The following TMPRSS11E variants were observed in gnomAD, a reference collection of about 807,000 sequenced individuals.
The protein encoded by TMPRSS11E is transmembrane protease serine 11E.
TMPRSS11E carries 38 observed loss-of-function variants against 48.1 expected under a neutral mutation model. The ratio of observed to expected loss-of-function variants is 0.79; its 90% CI spans 0.61 to 1.04. The LOEUF (loss-of-function observed/expected upper bound fraction) is 1.04, where lower values mean the gene tolerates loss of function less well. Among genes scored for constraint, TMPRSS11E ranks in the 50% least tolerant of loss-of-function variants. The probability of loss-of-function intolerance (pLI) is 0.00; values close to 1 mark genes in which losing one functional copy is unlikely to be tolerated. For synonymous variants in TMPRSS11E, 158 were observed against 171.9 expected, an observed-to-expected ratio of 0.92 and a Z score of 0.63; for missense variants, 530 against 510.8, an observed-to-expected ratio of 1.04 and a Z score of -0.36.
Position 68,476,384 on chromosome 4 carries a change from G to T in TMPRSS11E, c.653G>T (p.Gly218Val). The change falls in exon 7 of 10, where the codon GGA becomes GTA. Residue 218 changes from glycine (G) to valine (V), a missense_variant. Coordinates refer to ENST00000305363, the MANE Select transcript of TMPRSS11E (RefSeq NM_014058.4). The part of the protein sequence containing the change: ...SLQWDGSHRC[G>V]ATLINATWLV... ...CAGTGGGATGGGAGTCATCGCTGTG[G>T]AGCAACCTTAATTAATGCCACATGG... 6.2e-7 allele frequency: 1 copy of T among 1,614,106 alleles called. No individual in the cohort carries two copies. Among genetic ancestry groups the T allele is most frequent in the Middle Eastern group, 1.7e-4 (1 of 6,060 alleles).
Position 68,471,497 on chromosome 4 carries a change from ATTT to A in TMPRSS11E, c.365_367del (p.Ile122_Cys123delinsSer). On this transcript the variant is annotated inframe_deletion, in exon 5 of 10. Transcript: ENST00000305363. ...TGGAGTGTTGGCTCATATGCTGTTG[ATTT>A]GTAGATTTCACTCTACTGAGGATCC... is the stretch of plus-strand genomic sequence containing the variant. 1 of 1,594,654 alleles carries A rather than the reference ATTT, an allele frequency of 6.3e-7. No individual in the cohort carries two copies. The highest frequency in any genetic ancestry group is 8.5e-7 in the Non-Finnish European group (1 of 1,172,760).
chr4:68,485,936 C>T (rs2603165), intron 9 of TMPRSS11E, among the ~76,000 whole-genome samples: 100,581 of 152,030 alleles, frequency 0.66, 33,656 homozygotes, highest in East Asian at 0.86. Flanking sequence ...TTTGTGTGCA[C>T]AGAGGTGTTT....
intron 1 of TMPRSS11E, among the ~76,000 whole-genome samples, chr4:68,447,850 G>A (rs1728384256): frequency 6.6e-6 from 1 of 151,748 alleles, no homozygotes; most frequent in African/African-American, 2.4e-5. Flanking sequence ...CATATTTTTA[G>A]CTTGGGCTTT....
intron 1 of TMPRSS11E, among the ~76,000 whole-genome samples, chr4:68,452,660 C>T (rs1326634010): frequency 6.6e-6 from 1 of 151,976 alleles, no homozygotes; most frequent in African/African-American, 2.4e-5. Context: ...TTTGGTGAAG[C>T]ACAGATAACT....
At position 68,496,891 on chromosome 4, in the gene TMPRSS11E, C is replaced by A; in HGVS notation, c.*87C>A. 1.5e-6 allele frequency: 2 copies of A among 1,306,964 alleles called. No individual in the cohort carries two copies. Among genetic ancestry groups the A allele is most frequent in the Non-Finnish European group, 2.1e-6 (2 of 941,996 alleles). 81.0% of individuals were successfully genotyped at this position (1,306,964 alleles called of 1,614,324 possible). ...TTTAGAGATACAGAATTGGAGAAGACTTGCAAAACAGCTAGATTTGACTGA... is the reference window on the plus strand; with the variant it reads ...TTTAGAGATACAGAATTGGAGAAGAATTGCAAAACAGCTAGATTTGACTGA... On this transcript the variant is annotated 3_prime_UTR_variant, in exon 10 of 10. Transcript: ENST00000305363.
At chr4:68,496,431 G>A (rs1270446764) in intron 9 of TMPRSS11E, among the ~76,000 whole-genome samples, 1 of 152,014 alleles carries the variant, frequency 6.6e-6, no homozygotes, top group Non-Finnish European at 1.5e-5. Flanking sequence ...GTATTTCAAG[G>A]TTTCAAGGTT....
intron 1 of TMPRSS11E, among the ~76,000 whole-genome samples, chr4:68,448,760 A>C (rs1728414245): frequency 6.6e-6 from 1 of 151,890 alleles, no homozygotes; most frequent in Non-Finnish European, 1.5e-5. Flanking sequence ...ACCAAAAACC[A>C]AAACCAACCA....
chr4:68,467,721 C>G (rs1425683641), intron 3 of TMPRSS11E, among the ~76,000 whole-genome samples: 1 of 152,172 alleles, frequency 6.6e-6, no homozygotes, highest in Non-Finnish European at 1.5e-5. Flanking sequence ...GGCCACCTTG[C>G]TGAGACAGTG....
intron 1 of TMPRSS11E, among the ~76,000 whole-genome samples, chr4:68,452,559 C>T (rs1728528352): frequency 6.6e-6 from 1 of 151,898 alleles, no homozygotes; most frequent in South Asian, 2.1e-4. Flanking sequence ...ACTGGTAGAG[C>T]TGGAATCTGA....
rs528651509 is a variant in TMPRSS11E, at chr4:68,475,095, G to A, written c.529+334G>A. Among the ~76,000 whole-genome samples, 6 of 152,188 alleles carry A rather than the reference G, an allele frequency of 3.9e-5. 1 individual carries two copies. The highest frequency in any genetic ancestry group is 1.4e-4 in the African/African-American group (6 of 41,528). ...ATAAGATAAAACAAATCTATACATT[G>A]TGTTTTTCAGCTAGAGGCAGAAACT... On this transcript the variant is annotated intron_variant, in intron 6 of 9. Coordinates refer to ENST00000305363, the MANE Select transcript of TMPRSS11E (RefSeq NM_014058.4).
At chr4:68,470,216 A>G (rs1359181857) in intron 4 of TMPRSS11E, among the ~76,000 whole-genome samples, 2 of 151,896 alleles carry the variant, frequency 1.3e-5, no homozygotes, top group Admixed American at 6.6e-5. Context: ...AAAAAGAATA[A>G]TAAAAGGGAA....
intron 9 of TMPRSS11E, among the ~76,000 whole-genome samples, chr4:68,480,131 A>T (rs992212454): frequency 6.6e-6 from 1 of 151,988 alleles, no homozygotes; most frequent in Non-Finnish European, 1.5e-5. Context: ...ATCCTGTTTG[A>T]GGTTTGCTCA....
intron 9 of TMPRSS11E, among the ~76,000 whole-genome samples, chr4:68,495,960 C>T (rs1026427001): frequency 2.6e-5 from 4 of 151,956 alleles, no homozygotes; most frequent in African/African-American, 9.7e-5. Context: ...CAGCCAGTAC[C>T]TCATTATTAC....
chr4:68,451,130 C>T (rs1037300708), intron 1 of TMPRSS11E, among the ~76,000 whole-genome samples: 3 of 151,830 alleles, frequency 2.0e-5, no homozygotes, highest in Non-Finnish European at 2.9e-5. Context: ...ATTGAACAGT[C>T]GTGAAGCAGG....
intron 5 of TMPRSS11E, among the ~76,000 whole-genome samples, chr4:68,472,970 C>A (rs1438321543): frequency 6.6e-6 from 1 of 152,004 alleles, no homozygotes; most frequent in African/African-American, 2.4e-5. Context: ...TATATAAGTA[C>A]ATTTAACTTG....
intron 3 of TMPRSS11E, among the ~76,000 whole-genome samples, chr4:68,467,504 TG>T (rs1442769702): frequency 2.0e-5 from 3 of 152,172 alleles, no homozygotes; most frequent in African/African-American, 7.2e-5. Context: ...AACTGGGAGC[TG>T]GGAGGCACAT....
At chr4:68,474,699 A>G (rs772353122) in intron 5 of TMPRSS11E, 24 bp from the exon 6 acceptor site, 7 of 1,606,074 alleles carry the variant, frequency 4.4e-6, no homozygotes, top group African/African-American at 2.7e-5. Flanking sequence ...TGCTGACCCT[A>G]TTTGCCATTT....
At chr4:68,462,131 T>TCA (rs1560548956) in intron 2 of TMPRSS11E, among the ~76,000 whole-genome samples, 186 bp downstream of exon 2, 1 of 152,204 alleles carries the variant, frequency 6.6e-6, no homozygotes, top group Non-Finnish European at 1.5e-5. Context: ...CTTTTTTCTA[T>TCA]CTTTGATGTA....
intron 1 of TMPRSS11E, among the ~76,000 whole-genome samples, chr4:68,461,536 G>A (rs1172084135): frequency 6.6e-6 from 1 of 152,136 alleles, no homozygotes; most frequent in Non-Finnish European, 1.5e-5. Flanking sequence ...TTTATATGTA[G>A]TACTTCATTT....
Sources: gnomAD v4.1 joint callset for allele counts (sites outside exome capture counted in the v4.1 genomes callset) on GRCh38, gnomAD v4.1.1 for gene constraint, MANE v1.5 for transcripts, NCBI Gene and HGNC (gene_info 2026-07-23, HGNC 2026-07-21) for gene names.